RERE: variants seen among roughly 807,000 people sequenced by gnomAD.
RERE encodes arginine-glutamic acid dipeptide repeats.
In RERE, 40 loss-of-function variants were observed where a neutral mutation model predicts 146.1. The ratio of observed to expected loss-of-function variants is 0.27; its 90% CI spans 0.21 to 0.36. The LOEUF (loss-of-function observed/expected upper bound fraction) is 0.36. RERE is among the 10% of genes least tolerant of loss of function. The pLI, the probability that RERE is intolerant of heterozygous loss-of-function variation, is 1.00. For synonymous variants in RERE, 1,003 were observed against 866.0 expected (o/e 1.16, Z -2.78); for missense variants, 1,933 against 2,138.7 (o/e 0.90, Z 1.90).
intron 8 of RERE, among the ~76,000 whole-genome samples, chr1:8,506,134 A>G (rs1645247027): frequency 6.6e-6 from 1 of 152,254 alleles, no homozygotes; most frequent in Non-Finnish European, 1.5e-5. Context: ...TGAGAGGGAA[A>G]AAATGGGTAG....
intron 1 of RERE, among the ~76,000 whole-genome samples, chr1:8,736,373 A>AT (rs1640197597): frequency 6.6e-6 from 1 of 151,958 alleles, no homozygotes; most frequent in Admixed American, 6.6e-5. Context: ...CGCCTGGCTA[A>AT]TTTTTTGTAT....
chr1:8,737,559 C>T (rs993357660), intron 1 of RERE, among the ~76,000 whole-genome samples: 9 of 151,986 alleles, frequency 5.9e-5, no homozygotes, highest in Non-Finnish European at 1.2e-4. Context: ...CTGTTCTGAG[C>T]TCTATCAATG....
chr1:8,658,204 T>G (rs1365264703), intron 1 of RERE, among the ~76,000 whole-genome samples: 1 of 152,210 alleles, frequency 6.6e-6, no homozygotes, highest in African/African-American at 2.4e-5. Flanking sequence ...CCTATCTCAC[T>G]TATTCAACAA....
chr1:8,621,591 A>G (rs527726285), intron 3 of RERE, among the ~76,000 whole-genome samples: 4 of 152,336 alleles, frequency 2.6e-5, no homozygotes, highest in Admixed American at 2.6e-4. Flanking sequence ...ACAATGAAAC[A>G]CATCTCTCAG....
chr1:8,416,021 T>C (rs1253409362), intron 12 of RERE, among the ~76,000 whole-genome samples: 2 of 152,232 alleles, frequency 1.3e-5, no homozygotes, highest in Non-Finnish European at 2.9e-5. Flanking sequence ...TTCTTTTTCA[T>C]ACATAAGGAA....
chr1:8,497,540 G>A lies in RERE; in HGVS notation c.880-11C>T. 2.5e-6 allele frequency: 4 copies of A among 1,613,892 alleles called. No individual in the cohort carries two copies. The highest frequency in any genetic ancestry group is 1.1e-5 in the South Asian group (1 of 91,064). On this transcript the variant is annotated splice_polypyrimidine_tract_variant and intron_variant, in intron 8 of 22. Coordinates refer to ENST00000400908, the MANE Select transcript of RERE (RefSeq NM_001042681.2). ...ATCTGGAAGTTTGGCCTGTAAGACAGGGATGAGTAAGTCACAATCAAGGCA... is the reference window on the plus strand; with the variant it reads ...ATCTGGAAGTTTGGCCTGTAAGACAAGGATGAGTAAGTCACAATCAAGGCA...
chr1:8,481,508 A>T (rs1194417372), intron 10 of RERE, among the ~76,000 whole-genome samples: 1 of 152,248 alleles, frequency 6.6e-6, no homozygotes, highest in Non-Finnish European at 1.5e-5. Flanking sequence ...GTGTATATAA[A>T]TAAGTGTGCT....
chr1:8,411,011 T>C (rs1050436067), intron 12 of RERE, among the ~76,000 whole-genome samples: 4 of 152,184 alleles, frequency 2.6e-5, no homozygotes, highest in Non-Finnish European at 5.9e-5. Flanking sequence ...CAGAAAAATG[T>C]TGCAACAAAT....
intron 2 of RERE, among the ~76,000 whole-genome samples, chr1:8,646,401 G>T (rs80010783): frequency 0.048 from 7,275 of 152,060 alleles, 252 homozygotes; most frequent in Non-Finnish European, 0.073. Context: ...GCACAGTGCC[G>T]TGCACCTGTA....
At chr1:8,623,644 T>C (rs1646941662) in intron 3 of RERE, among the ~76,000 whole-genome samples, 1 of 152,148 alleles carries the variant, frequency 6.6e-6, no homozygotes, top group African/African-American at 2.4e-5. Flanking sequence ...CATCCAGGGA[T>C]CCAAAGCCTA....
chr1:8,375,761 AAT>A (rs930288931), intron 12 of RERE, among the ~76,000 whole-genome samples: 7 of 148,604 alleles, frequency 4.7e-5, no homozygotes, highest in African/African-American at 1.8e-4. Flanking sequence ...AGCCACTGAA[AAT>A]GTTTCCTCAC....
chr1:8,386,067 A>G (rs1363301964), intron 12 of RERE, among the ~76,000 whole-genome samples: 6 of 132,786 alleles, frequency 4.5e-5, no homozygotes, highest in Non-Finnish European at 7.9e-5. Context: ...ACAGCAGTCA[A>G]AAGAACCACA....
intron 1 of RERE, among the ~76,000 whole-genome samples, chr1:8,759,837 A>G (rs74050281): frequency 1.5e-5 from 2 of 131,438 alleles, no homozygotes; most frequent in African/African-American, 3.0e-5. Context: ...TACTCTCTCT[A>G]TACACACACA....
In RERE at chr1:8,495,228, A is replaced by C. The variant is rs1045649339; in HGVS notation, c.1005-66T>G. ...TATCAGGACAGAGACTTAGACCTTC[A>C]ATTTTCAGAGGACATTTCCAGCCCA... On this transcript the variant is annotated intron_variant, in intron 9 of 22. Coordinates refer to ENST00000400908, the MANE Select transcript of RERE (RefSeq NM_001042681.2). The C allele has an allele frequency of 7.6e-6, 9 of 1,186,034 alleles. No homozygotes were observed. The African/African-American group carries it at 1.3e-4, about 18-fold the overall frequency. 73.5% of individuals were successfully genotyped at this position (1,186,034 alleles called of 1,614,324 possible).
At position 8,702,758 on chromosome 1, in the gene RERE, AGT is replaced by A. The variant is rs1639480205; in HGVS notation, c.-144-46319_-144-46318del. On this transcript the variant is annotated intron_variant, in intron 1 of 22. Coordinates refer to ENST00000400908, the MANE Select transcript of RERE (RefSeq NM_001042681.2). ...TATACATATACATGTATTTTTAAAT[AGT>A]GTTTTCTCTCCCCCCTCAAAAAAAT... Among the ~76,000 whole-genome samples, 3 of 152,310 alleles carry A rather than the reference AGT, an allele frequency of 2.0e-5. No individual in the cohort carries two copies. The South Asian group carries it at 6.2e-4, about 32-fold the overall frequency.
chr1:8,495,523 G>T (rs1254530912), intron 9 of RERE, among the ~76,000 whole-genome samples: 1 of 152,204 alleles, frequency 6.6e-6, no homozygotes, highest in Non-Finnish European at 1.5e-5. Flanking sequence ...TGTTGGTCGG[G>T]CTGGTCTCGA....
intron 10 of RERE, among the ~76,000 whole-genome samples, chr1:8,483,364 A>G (rs986805457): frequency 1.3e-5 from 2 of 152,262 alleles, no homozygotes; most frequent in African/African-American, 2.4e-5. Flanking sequence ...GGGAGCTGAG[A>G]AATATTCCAC....
At chr1:8,766,546 C>CAAAAAA (rs60530407) in intron 1 of RERE, among the ~76,000 whole-genome samples, 4 of 65,928 alleles carry the variant, frequency 6.1e-5, no homozygotes, top group African/African-American at 1.1e-4. Flanking sequence ...GACTCCATTG[C>CAAAAAA]AAAAAAAAAA....
At chr1:8,815,376 G>A (rs1011215509) in intron 1 of RERE, among the ~76,000 whole-genome samples, 2 of 152,028 alleles carry the variant, frequency 1.3e-5, no homozygotes, top group Non-Finnish European at 2.9e-5. Context: ...TTTCTATCTA[G>A]AAAGACTCTG....
Sources: gnomAD v4.1 joint callset for allele counts (sites outside exome capture counted in the v4.1 genomes callset) on GRCh38, gnomAD v4.1.1 for gene constraint, MANE v1.5 for transcripts, NCBI Gene and HGNC (gene_info 2026-07-23, HGNC 2026-07-21) for gene names.